ROBO2: variants seen among roughly 807,000 people sequenced by gnomAD.
ROBO2 encodes roundabout guidance receptor 2.
In ROBO2, 53 loss-of-function variants were observed where a neutral mutation model predicts 160.8. The ratio of observed to expected loss-of-function variants is 0.33; its 90% CI spans 0.26 to 0.41. The LOEUF is 0.41. Among genes scored for constraint, ROBO2 ranks in the 10% least tolerant of loss-of-function variants. The pLI is 1.00. For synonymous variants in ROBO2, 664 were observed against 611.7 expected (o/e 1.09, Z -1.26); for missense variants, 1,577 against 1,722.4 (o/e 0.92, Z 1.49).
intron 2 of ROBO2, among the ~76,000 whole-genome samples, chr3:77,146,415 G>A (rs1355826561): frequency 3.3e-5 from 5 of 152,058 alleles, no homozygotes; most frequent in Non-Finnish European, 4.4e-5. Context: ...TATTCTCCAT[G>A]GAAATCATTT....
At chr3:76,252,572 A>G (rs867841641) in intron 2 of ROBO2, among the ~76,000 whole-genome samples, 3 of 151,182 alleles carry the variant, frequency 2.0e-5, no homozygotes, top group Admixed American at 1.3e-4. Flanking sequence ...GCACACACAC[A>G]TATATATGGC....
At chr3:76,825,069 A>G (rs959638440) in intron 2 of ROBO2, among the ~76,000 whole-genome samples, 1 of 152,212 alleles carries the variant, frequency 6.6e-6, no homozygotes, top group Non-Finnish European at 1.5e-5. Flanking sequence ...TCTCCTCTCC[A>G]ATGGCAGTCA....
chr3:76,144,198 C>T (rs2071797840), intron 2 of ROBO2, among the ~76,000 whole-genome samples: 1 of 152,062 alleles, frequency 6.6e-6, no homozygotes, highest in South Asian at 2.1e-4. Flanking sequence ...CACTAATACA[C>T]TCATGCACAC....
At chr3:77,370,905 G>A (rs1320844232) in intron 2 of ROBO2, among the ~76,000 whole-genome samples, 1 of 152,070 alleles carries the variant, frequency 6.6e-6, no homozygotes, top group African/African-American at 2.4e-5. Flanking sequence ...ACAGATCTCT[G>A]CCCTAGATAG....
chr3:76,895,914 C>T (rs1254978352), intron 2 of ROBO2, among the ~76,000 whole-genome samples: 2 of 152,110 alleles, frequency 1.3e-5, no homozygotes, highest in Admixed American at 6.6e-5. Context: ...TGATCTTTTC[C>T]CTTGGAAAGT....
At chr3:76,357,995 A>C (rs2108354633) in intron 2 of ROBO2, among the ~76,000 whole-genome samples, 1 of 151,778 alleles carries the variant, frequency 6.6e-6, no homozygotes, top group East Asian at 1.9e-4. Flanking sequence ...AATACTTTAT[A>C]GTTTATTTGC....
chr3:76,636,708 C>T lies in ROBO2; in HGVS notation c.110-461306C>T, dbSNP rs770489048. Among the ~76,000 whole-genome samples the T allele has an allele frequency of 6.6e-5, 10 of 152,102 alleles. No individual in the cohort carries two copies. The South Asian group carries it at 8.3e-4, about 13-fold the overall frequency. On this transcript the variant is annotated intron_variant, in intron 2 of 26. Transcript: ENST00000487694. The stretch of plus-strand genomic sequence containing the variant: ...GAATGGATTCCTACAGGTGGCTTGT[C>T]AAAAGCCACAGTAGGACCCAACCAT...
intron 2 of ROBO2, among the ~76,000 whole-genome samples, chr3:76,231,033 C>G (rs532341949): frequency 9.2e-5 from 14 of 152,026 alleles, no homozygotes; most frequent in Non-Finnish European, 1.8e-4. Context: ...CCTCAGAGCC[C>G]GCGGAAAGAA....
intron 23 of ROBO2, chr3:77,633,378 G>A: frequency 6.6e-6 from 1 of 152,162 alleles, no homozygotes; most frequent in Middle Eastern, 3.4e-3. Context: ...AAAAGAATGT[G>A]GGATTAATAA....
rs574657868 is a variant in ROBO2, at chr3:76,948,627, C to T, written c.110-149387C>T. Among the ~76,000 whole-genome samples the T allele has an allele frequency of 1.7e-3, 233 of 139,450 alleles. 1 individual carries two copies. Among genetic ancestry groups the T allele is most frequent in the African/African-American group, 5.3e-3 (198 of 37,134 alleles). The allele number at this position is 139,450 out of a possible 152,430, so 91.5% of individuals were successfully genotyped here. A position where few individuals can be genotyped will look rare whatever the true frequency, so the allele number is the denominator to read the frequency against. On this transcript the variant is annotated intron_variant, in intron 2 of 26. Transcript: ENST00000487694. The stretch of plus-strand genomic sequence containing the variant: ...TTGGAGACGGAGTCTCACCCTGTCA[C>T]CCAGGCTGGATTTTGTGACTTCCCT...
rs995267550 is a variant in ROBO2, at chr3:77,298,378, C to A, written c.389-179036C>A. ...GAAGTTTCATAGCTGGAAAGGAACT[C>A]CAATCCCAACCCCTCATTTAACAAA... On this transcript the variant is annotated intron_variant, in intron 2 of 25. Coordinates refer to ENST00000461745, the Ensembl canonical transcript of ROBO2. Among the ~76,000 whole-genome samples, 14 of 152,224 alleles carry A rather than the reference C, an allele frequency of 9.2e-5. No homozygotes were observed. The East Asian group carries it at 2.5e-3, about 27-fold the overall frequency.
chr3:77,228,507 T>G (rs1043252054), intron 2 of ROBO2, among the ~76,000 whole-genome samples: 1 of 152,044 alleles, frequency 6.6e-6, no homozygotes, highest in Non-Finnish European at 1.5e-5. Context: ...TCTTGTAAAT[T>G]TGTTTCAGTT....
intron 5 of ROBO2, among the ~76,000 whole-genome samples, chr3:77,511,965 G>T (rs191512948): frequency 2.8e-4 from 42 of 152,034 alleles, no homozygotes; most frequent in African/African-American, 9.9e-4. Flanking sequence ...CCCAGAAGTT[G>T]CTTGCAACCT....
intron 2 of ROBO2, among the ~76,000 whole-genome samples, chr3:76,588,032 T>C (rs1362228537): frequency 2.0e-5 from 3 of 152,216 alleles, no homozygotes; most frequent in Non-Finnish European, 4.4e-5. Flanking sequence ...GTTATATTTA[T>C]AAAATTAATG....
chr3:77,116,036 G>C (rs2074164652), intron 2 of ROBO2, among the ~76,000 whole-genome samples: 1 of 152,190 alleles, frequency 6.6e-6, no homozygotes, highest in African/African-American at 2.4e-5. Context: ...AAGTTCAAGA[G>C]TTTTCTGCAG....
At chr3:76,383,109 G>A (rs1258468329) in intron 2 of ROBO2, among the ~76,000 whole-genome samples, 1 of 152,152 alleles carries the variant, frequency 6.6e-6, no homozygotes, top group Non-Finnish European at 1.5e-5. Context: ...ATGCGATGGA[G>A]TAGGCAGGGG....
intron 2 of ROBO2, among the ~76,000 whole-genome samples, chr3:77,269,691 C>A (rs1367541629): frequency 2.0e-5 from 3 of 152,098 alleles, no homozygotes; most frequent in Non-Finnish European, 4.4e-5. Flanking sequence ...CCCGCATATA[C>A]CATATGCACA....
intron 2 of ROBO2, among the ~76,000 whole-genome samples, chr3:76,351,161 T>C (rs1576601355): frequency 6.6e-6 from 1 of 152,016 alleles, no homozygotes; most frequent in East Asian, 1.9e-4. Flanking sequence ...GGTAAAAAAA[T>C]TGAACCACAG....
chr3:76,285,036 A>G (rs947549726), intron 2 of ROBO2, among the ~76,000 whole-genome samples: 2 of 152,160 alleles, frequency 1.3e-5, no homozygotes, highest in Non-Finnish European at 2.9e-5. Flanking sequence ...TGGGAGAAGT[A>G]TTTGAGTTCG....
Sources: gnomAD v4.1 joint callset for allele counts (sites outside exome capture counted in the v4.1 genomes callset) on GRCh38, gnomAD v4.1.1 for gene constraint, MANE v1.5 for transcripts, NCBI Gene and HGNC (gene_info 2026-07-23, HGNC 2026-07-21) for gene names.